Variants in TAB2 observed in about 807,000 individuals in gnomAD.
The protein encoded by TAB2 is TGF-beta-activated kinase 1 and MAP3K7-binding protein 2.
In TAB2, 3 loss-of-function variants were observed where a neutral mutation model predicts 65.0. That is an observed-to-expected ratio of 0.05 (90% CI 0.02 to 0.12). The LOEUF is 0.12. Among genes scored for constraint, TAB2 ranks in the 10% least tolerant of loss-of-function variants. TAB2 has a pLI of 1.00. For synonymous variants in TAB2, 298 were observed against 285.1 expected, an observed-to-expected ratio of 1.05 and a Z score of -0.46; for missense variants, 623 against 840.3, an observed-to-expected ratio of 0.74 and a Z score of 3.20.
At chr6:149,276,081 C>A (rs9404025) in intron 1 of TAB2, among the ~76,000 whole-genome samples, 21 of 151,898 alleles carry the variant, frequency 1.4e-4, no homozygotes, top group Non-Finnish European at 2.4e-4. Context: ...GCCACACCAG[C>A]GTAAGAGGTT....
chr6:149,347,923 G>A (rs769667281), intron 1 of TAB2, among the ~76,000 whole-genome samples: 1 of 152,124 alleles, frequency 6.6e-6, no homozygotes, highest in African/African-American at 2.4e-5. Context: ...ATTTTGAAAT[G>A]TTCATTGAGG....
rs538535450 is a variant in TAB2, at chr6:149,302,737, G to T, written c.-120-75281G>T. Among the ~76,000 whole-genome samples the T allele has an allele frequency of 1.3e-4, 20 of 152,266 alleles. No individual in the cohort carries two copies. The South Asian group carries it at 3.5e-3, about 27-fold the overall frequency. ...CCCATCTTTCTTTGCTTCACTTGGG[G>T]TCATATCTATCTATCTATCTCCCAG... On this transcript the variant is annotated intron_variant, in intron 1 of 1. Coordinates refer to the TAB2 transcript ENST00000606202.
intron 1 of TAB2, among the ~76,000 whole-genome samples, chr6:149,369,343 T>C (rs1276414246): frequency 6.6e-6 from 1 of 152,152 alleles, no homozygotes; most frequent in Non-Finnish European, 1.5e-5. Context: ...TTGGGAAATA[T>C]TAGTATTTTA....
chr6:149,284,293 T>C (rs1024155760), intron 1 of TAB2, among the ~76,000 whole-genome samples: 4 of 152,134 alleles, frequency 2.6e-5, no homozygotes, highest in African/African-American at 9.7e-5. Context: ...TAACCATTCT[T>C]CAAGACTAAA....
intron 6 of TAB2, chr6:149,400,792 A>G: frequency 8.6e-7 from 1 of 1,157,960 alleles, no homozygotes. Context: ...ACTACAGTAT[A>G]GTTTTCTCTA....
intron 1 of TAB2, among the ~76,000 whole-genome samples, chr6:149,248,311 G>A (rs778549051): frequency 3.3e-5 from 5 of 152,084 alleles, no homozygotes; most frequent in African/African-American, 7.2e-5. Context: ...AGAATTGCTC[G>A]AACCTGGGAA....
At chr6:149,275,234 GAGAA>G (rs746637120) in intron 1 of TAB2, among the ~76,000 whole-genome samples, 9,315 of 64,762 alleles carry the variant, frequency 0.14, 585 homozygotes, top group Non-Finnish European at 0.17. Flanking sequence ...GGGAGAGAGA[GAGAA>G]AGAAAGAAAG....
At chr6:149,355,954 A>G (rs1236781741) in intron 1 of TAB2, among the ~76,000 whole-genome samples, 1 of 151,804 alleles carries the variant, frequency 6.6e-6, no homozygotes, top group East Asian at 1.9e-4. Flanking sequence ...ATGTATTGCC[A>G]CAAAAAAAAA....
At chr6:149,373,381 G>C (rs1781292858) in intron 2 of TAB2, among the ~76,000 whole-genome samples, 1 of 152,060 alleles carries the variant, frequency 6.6e-6, no homozygotes. Context: ...TAATATTTAA[G>C]TGCCATGTAC....
intron 1 of TAB2, among the ~76,000 whole-genome samples, chr6:149,368,939 A>G (rs1350752909): frequency 6.6e-6 from 1 of 152,154 alleles, no homozygotes; most frequent in Non-Finnish European, 1.5e-5. Flanking sequence ...ATAAAATGCT[A>G]GATATACAAT....
chr6:149,245,157 G>A (rs1441184474), intron 1 of TAB2: 2 of 152,324 alleles, frequency 1.3e-5, no homozygotes, highest in African/African-American at 4.8e-5. Context: ...ATTTTTGGAA[G>A]AGGGTCAGGG....
intron 1 of TAB2, among the ~76,000 whole-genome samples, chr6:149,263,027 ACT>A (rs1312334481): frequency 6.6e-6 from 1 of 151,858 alleles, no homozygotes; most frequent in Non-Finnish European, 1.5e-5. Context: ...CCAGTCTCGA[ACT>A]CCTGGCCTCA....
chr6:149,286,706 G>A (rs893097821), intron 1 of TAB2, among the ~76,000 whole-genome samples: 3 of 152,142 alleles, frequency 2.0e-5, no homozygotes, highest in Admixed American at 6.5e-5. Flanking sequence ...GATTCACTGA[G>A]TATCAAGCTA....
chr6:149,235,750 T>C (rs1777483468), intron 1 of TAB2, among the ~76,000 whole-genome samples: 1 of 152,202 alleles, frequency 6.6e-6, no homozygotes, highest in African/African-American at 2.4e-5. Flanking sequence ...CTGCTCAAGA[T>C]TCATGTCCTA....
intron 3 of TAB2, among the ~76,000 whole-genome samples, chr6:149,396,896 A>T (rs1782189986): frequency 1.3e-5 from 2 of 152,252 alleles, no homozygotes; most frequent in South Asian, 4.1e-4. Context: ...AAATATCTAT[A>T]ACATTTTCAT....
chr6:149,287,877 T>C lies in TAB2; in HGVS notation c.-121+69101T>C, dbSNP rs530496586. On this transcript the variant is annotated intron_variant, in intron 1 of 1. Coordinates refer to the TAB2 transcript ENST00000606202. ...TTATTTATAAGGAGGTCTTAAGCAT[T>C]AATCTCAATATGGCAAAGCTTCACT... is the stretch of plus-strand genomic sequence containing the variant. 3.3e-5 allele frequency among the ~76,000 whole-genome samples: 5 copies of C among 152,338 alleles called. 1 individual carries two copies. The South Asian group carries it at 1.0e-3, about 32-fold the overall frequency.
intron 6 of TAB2, among the ~76,000 whole-genome samples, chr6:149,403,289 C>G (rs1301854688): frequency 3.1e-5 from 1 of 32,520 alleles, no homozygotes; most frequent in Non-Finnish European, 5.7e-5. Flanking sequence ...TATATACACA[C>G]ACACACATAT....
intron 1 of TAB2, among the ~76,000 whole-genome samples, chr6:149,256,561 C>T (rs1300719344): frequency 1.3e-5 from 2 of 152,036 alleles, no homozygotes; most frequent in Non-Finnish European, 2.9e-5. Context: ...GGGGAAAACT[C>T]GAATATATTA....
intron 3 of TAB2, among the ~76,000 whole-genome samples, chr6:149,391,482 G>A (rs1418682391): frequency 1.3e-5 from 2 of 151,602 alleles, no homozygotes; most frequent in Admixed American, 1.3e-4. Flanking sequence ...TCCTGAACGA[G>A]CTTTCTATCT....
Sources: gnomAD v4.1 joint callset for allele counts (sites outside exome capture counted in the v4.1 genomes callset) on GRCh38, gnomAD v4.1.1 for gene constraint, MANE v1.5 for transcripts, NCBI Gene and HGNC (gene_info 2026-07-23, HGNC 2026-07-21) for gene names.